CAMTA1: variants seen among roughly 807,000 people sequenced by gnomAD.
CAMTA1 encodes the protein calmodulin-binding transcription activator 1.
CAMTA1 carries 27 observed loss-of-function variants against 170.9 expected under a neutral mutation model. The ratio of observed to expected loss-of-function variants is 0.16; its 90% CI spans 0.12 to 0.22. The LOEUF (loss-of-function observed/expected upper bound fraction) is 0.22. Ranked by LOEUF, CAMTA1 falls within the 10% of genes least tolerant of loss-of-function variation. The pLI, the probability that CAMTA1 is intolerant of heterozygous loss-of-function variation, is 1.00. For synonymous variants in CAMTA1, 833 were observed against 891.5 expected (o/e 0.93, Z 1.17); for missense variants, 1,619 against 2,217.2 (o/e 0.73, Z 5.42).
chr1:6,818,566 T>C (rs1646106845), intron 1 of CAMTA1, among the ~76,000 whole-genome samples: 1 of 152,156 alleles, frequency 6.6e-6, no homozygotes, highest in African/African-American at 2.4e-5. Flanking sequence ...TTGGATGAGG[T>C]AGTACAGAGA....
At chr1:6,789,273 T>C (rs558477577) in intron 1 of CAMTA1, among the ~76,000 whole-genome samples, 91 of 152,232 alleles carry the variant, frequency 6.0e-4, no homozygotes, top group African/African-American at 2.0e-3. Context: ...TCTGTTTCCT[T>C]AGTTTTTAGG....
At chr1:7,101,611 T>C (rs1642711710) in intron 4 of CAMTA1, among the ~76,000 whole-genome samples, 1 of 152,252 alleles carries the variant, frequency 6.6e-6, no homozygotes, top group African/African-American at 2.4e-5. Flanking sequence ...CACTTTCACT[T>C]GAGCTTTTGC....
In CAMTA1 at chr1:7,234,674, G is replaced by A. The variant is rs1192153698; in HGVS notation, c.303-14817G>A. On this transcript the variant is annotated intron_variant, in intron 4 of 22. Coordinates refer to ENST00000303635, the MANE Select transcript of CAMTA1 (RefSeq NM_015215.4). The surrounding 1 kb of genome is among the most constrained non-coding windows in gnomAD (Gnocchi z 5.0). ...CAGTCTTGCTCTGGAGCGAGTCTTG[G>A]TCATTACCATCTCTCCAAATGGGCA... 6.6e-6 allele frequency among the ~76,000 whole-genome samples: 1 copy of A among 152,324 alleles called. No homozygotes were observed. The highest frequency in any genetic ancestry group is 2.1e-4 in the South Asian group (1 of 4,826).
chr1:6,828,450 C>T (rs1570563778), intron 3 of CAMTA1, among the ~76,000 whole-genome samples: 1 of 151,818 alleles, frequency 6.6e-6, no homozygotes, highest in Non-Finnish European at 1.5e-5. Flanking sequence ...TGCCACCATG[C>T]CCAGCTAATT....
rs919147617 is a variant in CAMTA1, at chr1:7,743,200, C to T, written c.4183-1635C>T. Among the ~76,000 whole-genome samples, 8 of 151,800 alleles carry T rather than the reference C, an allele frequency of 5.3e-5. 1 individual carries two copies. Among genetic ancestry groups the T allele is most frequent in the African/African-American group, 1.5e-4 (6 of 41,208 alleles). On this transcript the variant is annotated intron_variant, in intron 16 of 22. Transcript: ENST00000303635. ...TTTATTTTTATTGTTATTACAAAAA[C>T]GAATTGTTCTTTGATGAAAATTTAT...
At chr1:7,331,383 C>T (rs551256429) in intron 5 of CAMTA1, among the ~76,000 whole-genome samples, 4 of 152,280 alleles carry the variant, frequency 2.6e-5, no homozygotes, top group East Asian at 3.9e-4. Context: ...CCCCTTTATA[C>T]GCTTAAAAAT....
chr1:6,920,154 G>A (rs979347150), intron 3 of CAMTA1, among the ~76,000 whole-genome samples: 3 of 152,190 alleles, frequency 2.0e-5, no homozygotes, highest in African/African-American at 4.8e-5. Context: ...AAGCAAGTTA[G>A]TTACTTCCTA....
chr1:7,099,639 C>A (rs1642485820), intron 4 of CAMTA1, among the ~76,000 whole-genome samples: 1 of 152,170 alleles, frequency 6.6e-6, no homozygotes, highest in Non-Finnish European at 1.5e-5. Flanking sequence ...CTCTTCCTTA[C>A]CTGGGGGAGG....
At chr1:6,839,263 TC>T (rs1210619725) in intron 3 of CAMTA1, among the ~76,000 whole-genome samples, 7 of 151,932 alleles carry the variant, frequency 4.6e-5, no homozygotes, top group Non-Finnish European at 5.9e-5. Flanking sequence ...GTGCCTGTAA[TC>T]CCAGCTACTC....
intron 6 of CAMTA1, among the ~76,000 whole-genome samples, chr1:7,483,401 G>A (rs1484795113): frequency 6.6e-6 from 1 of 152,206 alleles, no homozygotes; most frequent in Non-Finnish European, 1.5e-5. Flanking sequence ...TGCAGTCTGG[G>A]AGCCTGGGCC....
chr1:7,594,620 A>G (rs577238650), intron 6 of CAMTA1, among the ~76,000 whole-genome samples: 15 of 152,182 alleles, frequency 9.9e-5, no homozygotes, highest in Non-Finnish European at 1.6e-4. Flanking sequence ...GGTCCAGACA[A>G]GAGAGGGTGG....
chr1:7,052,280 G>C (rs757082749), intron 3 of CAMTA1, among the ~76,000 whole-genome samples: 1 of 151,932 alleles, frequency 6.6e-6, no homozygotes, highest in South Asian at 2.1e-4. Context: ...GTTTCGTGTC[G>C]TTCTCTCCGA....
chr1:6,992,181 C>G (rs918690366), intron 3 of CAMTA1, among the ~76,000 whole-genome samples: 9 of 152,096 alleles, frequency 5.9e-5, no homozygotes, highest in African/African-American at 2.2e-4. Flanking sequence ...GCAATCCTCT[C>G]ACCTCAGCCT....
intron 6 of CAMTA1, among the ~76,000 whole-genome samples, chr1:7,493,267 G>A (rs1199312296): frequency 8.3e-5 from 6 of 71,894 alleles, no homozygotes; most frequent in African/African-American, 1.8e-4. Flanking sequence ...ACGTACACAC[G>A]CACACAAACA....
chr1:6,869,602 C>T (rs147695631), intron 3 of CAMTA1, among the ~76,000 whole-genome samples: 66 of 152,214 alleles, frequency 4.3e-4, no homozygotes, highest in Non-Finnish European at 8.7e-4. Flanking sequence ...ATAGTAAACT[C>T]CTAGTAGCCT....
Position 7,664,976 on chromosome 1 carries a change from C to A in CAMTA1, c.2429C>A (p.Ala810Glu). The A allele has an allele frequency of 1.9e-6, 3 of 1,610,584 alleles. No homozygotes were observed. The highest frequency in any genetic ancestry group is 2.5e-6 in the Non-Finnish European group (3 of 1,178,588). The stretch of plus-strand genomic sequence containing the variant: ...GCGCTCTCACAGTCAGAGGACGGGG[C>A]GCGGGCCCCCTTCACCCAGGCAGAG... The part of the protein sequence containing the change: ...STALSQSEDG[A>E]RAPFTQAEMC... The change falls in exon 9 of 23, where the codon GCG becomes GAG. Residue 810 changes from alanine to glutamate, a missense_variant. This residue lies in a region of CAMTA1 where 731 missense variants were observed against 907.6 expected (regional missense o/e 0.81). Transcript: ENST00000303635.
intron 4 of CAMTA1, among the ~76,000 whole-genome samples, chr1:7,203,639 G>C (rs1657116426): frequency 6.6e-6 from 1 of 151,350 alleles, no homozygotes; most frequent in South Asian, 2.1e-4. Flanking sequence ...TAATTTGTTG[G>C]TGTACAATTG....
chr1:7,268,325 T>C (rs767226227), intron 5 of CAMTA1, among the ~76,000 whole-genome samples: 34 of 152,326 alleles, frequency 2.2e-4, no homozygotes, highest in South Asian at 1.0e-3. Flanking sequence ...CTTGATTCTT[T>C]GGCTAAATAC....
intron 21 of CAMTA1, 135 bp from the exon 22 acceptor site, chr1:7,755,503 C>T: frequency 1.4e-6 from 1 of 716,916 alleles, no homozygotes; most frequent in South Asian, 1.8e-5. Context: ...CGTACCCCAC[C>T]ATCACTCTCC....
Sources: gnomAD v4.1 joint callset for allele counts (sites outside exome capture counted in the v4.1 genomes callset) on GRCh38, gnomAD v4.1.1 for gene constraint, gnomAD v4.1.1 regional missense constraint, Gnocchi (gnomAD v3.1) non-coding constraint, MANE v1.5 for transcripts, NCBI Gene and HGNC (gene_info 2026-07-23, HGNC 2026-07-21) for gene names.